Variants in FHIT observed in about 807,000 individuals in gnomAD.
FHIT encodes the protein bis(5'-adenosyl)-triphosphatase.
FHIT carries 19 observed loss-of-function variants against 17.9 expected under a neutral mutation model. The observed-to-expected ratio is 1.06, with a 90% CI of 0.74 to 1.56. FHIT has a LOEUF of 1.56. Ranked by LOEUF, FHIT falls within the 40% of genes most tolerant of loss-of-function variation. The pLI is 0.00. For synonymous variants in FHIT, 81 were observed against 69.7 expected (o/e 1.16, Z -0.81); for missense variants, 248 against 189.2 (o/e 1.31, Z -1.82).
chr3:59,988,512 TATTC>T (rs1433695719), intron 7 of FHIT, among the ~76,000 whole-genome samples: 1 of 152,104 alleles, frequency 6.6e-6, no homozygotes, highest in Non-Finnish European at 1.5e-5. Context: ...TTCATCCATC[TATTC>T]ATTCATTCAC....
intron 3 of FHIT, among the ~76,000 whole-genome samples, chr3:60,992,473 C>T (rs2030319733): frequency 6.6e-6 from 1 of 152,206 alleles, no homozygotes; most frequent in South Asian, 2.1e-4. Context: ...CTGCTCTCTT[C>T]AGGAAAACGA....
chr3:60,702,973 C>A (rs782102189), intron 4 of FHIT, among the ~76,000 whole-genome samples: 1 of 152,110 alleles, frequency 6.6e-6, no homozygotes, highest in Non-Finnish European at 1.5e-5. Flanking sequence ...TGAATACAGT[C>A]CTCCATAATT....
chr3:60,897,579 T>C (rs1705894418), intron 3 of FHIT, among the ~76,000 whole-genome samples: 1 of 152,222 alleles, frequency 6.6e-6, no homozygotes, highest in Non-Finnish European at 1.5e-5. Flanking sequence ...TTTCTTATAC[T>C]GGCTAATTTT....
chr3:60,043,401 G>A (rs1252416592), intron 5 of FHIT, among the ~76,000 whole-genome samples: 4 of 152,056 alleles, frequency 2.6e-5, no homozygotes, highest in Non-Finnish European at 4.4e-5. Context: ...TTCTAGCACC[G>A]TGCCAGGCAC....
At chr3:60,876,721 C>G (rs1349408470) in intron 3 of FHIT, among the ~76,000 whole-genome samples, 1 of 152,150 alleles carries the variant, frequency 6.6e-6, no homozygotes, top group Non-Finnish European at 1.5e-5. Context: ...TTTAGGGGAG[C>G]AACATCAGCA....
chr3:61,207,922 G>C (rs907321781), intron 1 of FHIT, among the ~76,000 whole-genome samples: 1 of 152,074 alleles, frequency 6.6e-6, no homozygotes, highest in African/African-American at 2.4e-5. Context: ...GGCACTTTTA[G>C]ATCTTTCCTG....
chr3:60,655,042 T>A (rs1298688493), intron 4 of FHIT, among the ~76,000 whole-genome samples: 1 of 152,082 alleles, frequency 6.6e-6, no homozygotes, highest in Non-Finnish European at 1.5e-5. Context: ...CAATAGAAGT[T>A]GAGAATAATG....
intron 5 of FHIT, among the ~76,000 whole-genome samples, chr3:60,185,654 T>C (rs1234497029): frequency 6.6e-6 from 1 of 152,304 alleles, no homozygotes; most frequent in African/African-American, 2.4e-5. Flanking sequence ...GACTGCTGGA[T>C]TGTATGGTAA....
intron 3 of FHIT, among the ~76,000 whole-genome samples, chr3:60,932,834 C>G (rs1413176874): frequency 6.6e-6 from 1 of 152,048 alleles, no homozygotes; most frequent in Non-Finnish European, 1.5e-5. Context: ...CAGTTGGTAC[C>G]TCCTCCTCTC....
chr3:61,072,283 G>A (rs2034831524), intron 2 of FHIT, among the ~76,000 whole-genome samples: 1 of 152,150 alleles, frequency 6.6e-6, no homozygotes, highest in African/African-American at 2.4e-5. Context: ...CTATACCCAG[G>A]GACAAGAGGC....
At chr3:60,327,368 A>C (rs1709747560) in intron 5 of FHIT, among the ~76,000 whole-genome samples, 1 of 152,188 alleles carries the variant, frequency 6.6e-6, no homozygotes, top group Non-Finnish European at 1.5e-5. Context: ...TAGCTATTTT[A>C]GGCTTTGCAA....
intron 5 of FHIT, among the ~76,000 whole-genome samples, chr3:60,398,915 C>T (rs1406044458): frequency 1.3e-5 from 2 of 151,924 alleles, no homozygotes; most frequent in African/African-American, 4.8e-5. Context: ...TGCATATACA[C>T]ATGTAATCTT....
At chr3:60,879,998 C>A (rs1553757541) in intron 3 of FHIT, among the ~76,000 whole-genome samples, 3 of 151,540 alleles carry the variant, frequency 2.0e-5, no homozygotes, top group Non-Finnish European at 2.9e-5. Context: ...GAAAATTTCA[C>A]AAGTCTGGAT....
intron 5 of FHIT, among the ~76,000 whole-genome samples, chr3:60,170,427 A>C (rs1701366085): frequency 6.6e-6 from 1 of 152,198 alleles, no homozygotes; most frequent in Non-Finnish European, 1.5e-5. Context: ...TTTGACATGC[A>C]TTCTTATCAC....
intron 4 of FHIT, among the ~76,000 whole-genome samples, chr3:60,731,204 T>C (rs1466485618): frequency 6.6e-6 from 1 of 151,856 alleles, no homozygotes; most frequent in African/African-American, 2.4e-5. Context: ...CATATCTGAG[T>C]CATGCGTCAT....
chr3:60,239,371 C>G (rs1312633627), intron 5 of FHIT, among the ~76,000 whole-genome samples: 2 of 151,918 alleles, frequency 1.3e-5, no homozygotes, highest in East Asian at 1.9e-4. Context: ...TTGAGAGCAC[C>G]CTGGGCAACA....
intron 5 of FHIT, among the ~76,000 whole-genome samples, chr3:60,275,643 A>G (rs1707092972): frequency 6.6e-6 from 1 of 152,152 alleles, no homozygotes; most frequent in South Asian, 2.1e-4. Context: ...ACACACACAC[A>G]CACACCTGTG....
chr3:60,908,662 TA>T (rs1350445171), intron 3 of FHIT, among the ~76,000 whole-genome samples: 1 of 137,606 alleles, frequency 7.3e-6, no homozygotes, highest in East Asian at 2.1e-4. Flanking sequence ...GTCAGCAATC[TA>T]AGGTTAAAAG....
chr3:61,054,719 A>G (rs12107986), intron 2 of FHIT, among the ~76,000 whole-genome samples: 128,935 of 152,104 alleles, frequency 0.85, 55,527 homozygotes, highest in Middle Eastern at 0.95. Flanking sequence ...CTAAGAGAAC[A>G]CTGGTCTCCT....
Sources: gnomAD v4.1 joint callset for allele counts (sites outside exome capture counted in the v4.1 genomes callset) on GRCh38, gnomAD v4.1.1 for gene constraint, MANE v1.5 for transcripts, NCBI Gene and HGNC (gene_info 2026-07-23, HGNC 2026-07-21) for gene names.